NCOR2: variants seen among roughly 807,000 people sequenced by gnomAD.
NCOR2 encodes CTG repeat protein 26.
In NCOR2, 81 loss-of-function variants were observed where a neutral mutation model predicts 262.9. That is an observed-to-expected ratio of 0.31 (90% CI 0.26 to 0.37). The LOEUF (loss-of-function observed/expected upper bound fraction) is 0.37. Ranked by LOEUF, NCOR2 falls within the 10% of genes least tolerant of loss-of-function variation. The probability of loss-of-function intolerance (pLI) is 1.00; values close to 1 mark genes in which losing one functional copy is unlikely to be tolerated. For synonymous variants in NCOR2, 1,659 were observed against 1,559.3 expected (o/e 1.06, Z -1.51); for missense variants, 3,385 against 3,621.4 (o/e 0.93, Z 1.68).
At chr12:124,336,755 A>G (rs927988053) in exon 38 of NCOR2, 1 of 1,613,106 alleles carries the variant, frequency 6.2e-7, no homozygotes, top group Non-Finnish European at 8.5e-7. Flanking sequence ...GGTCTTACCC[A>G]GAGAACGGAG....
At chr12:124,500,151 T>C (rs1223893144), upstream of NCOR2, among the ~76,000 whole-genome samples, 1 of 151,896 alleles carries the variant, frequency 6.6e-6, no homozygotes, top group African/African-American at 2.4e-5. Flanking sequence ...GACTTGTAGA[T>C]CTCAGGTGGC....
intron 16 of NCOR2, among the ~76,000 whole-genome samples, chr12:124,392,602 G>A (rs1211941809): frequency 3.3e-5 from 5 of 152,168 alleles, no homozygotes; most frequent in East Asian, 1.9e-4. Context: ...CTACCGGCCC[G>A]CCCACCCCAC....
chr12:124,404,650 G>C (rs769480449), intron 13 of NCOR2, among the ~76,000 whole-genome samples: 1 of 152,236 alleles, frequency 6.6e-6, no homozygotes, highest in Non-Finnish European at 1.5e-5. Flanking sequence ...CCTGAGCTAC[G>C]AGCCTTCCCC....
intron 13 of NCOR2, among the ~76,000 whole-genome samples, chr12:124,413,241 C>T (rs2042682766): frequency 6.6e-6 from 1 of 152,160 alleles, no homozygotes; most frequent in Non-Finnish European, 1.5e-5. Context: ...CGTGCCCACT[C>T]CCCGACACCT....
Position 124,340,383 on chromosome 12 carries a change from C to T in NCOR2, c.5399G>A (p.Arg1800Gln), listed in dbSNP as rs550558916. ...CCGATCCCGGTCCCGCTCTCGATCC[C>T]GGTCTCGCTCCCGCTCGGACGAGGA... Residue 1800 changes from arginine to glutamine, a missense_variant, in exon 36 of 47, where the codon CGG becomes CAG. Transcript: ENST00000405201. The T allele has an allele frequency of 1.2e-6, 2 of 1,613,066 alleles. No homozygotes were observed. The highest frequency in any genetic ancestry group is 2.2e-5 in the East Asian group (1 of 44,880).
chr12:124,349,671 C>G (rs2037267898), intron 28 of NCOR2, among the ~76,000 whole-genome samples: 1 of 152,156 alleles, frequency 6.6e-6, no homozygotes, highest in Admixed American at 6.5e-5. Context: ...AAGGCCCCGA[C>G]TGAAACCCAT....
intron 3 of NCOR2, among the ~76,000 whole-genome samples, chr12:124,477,721 C>T (rs750133112): frequency 4.6e-5 from 7 of 152,334 alleles, no homozygotes; most frequent in Non-Finnish European, 1.0e-4. Context: ...GGGAGCCTGG[C>T]GGTCAGGCCT....
intron 6 of NCOR2, among the ~76,000 whole-genome samples, chr12:124,453,191 C>G (rs545221494): frequency 6.6e-5 from 10 of 152,288 alleles, no homozygotes; most frequent in Admixed American, 5.2e-4. Context: ...AAAGGCCTGG[C>G]GGCTCCCAGC....
upstream of NCOR2, among the ~76,000 whole-genome samples, chr12:124,536,939 C>T (rs939618955): frequency 2.6e-5 from 4 of 152,186 alleles, no homozygotes; most frequent in African/African-American, 9.7e-5. Flanking sequence ...GTGGTACATC[C>T]ATGCCATATG....
intron 1 of NCOR2, among the ~76,000 whole-genome samples, chr12:124,490,698 A>G (rs893754570): frequency 6.6e-6 from 1 of 152,108 alleles, no homozygotes; most frequent in African/African-American, 2.4e-5. Flanking sequence ...CCACGCGCCC[A>G]CCTGCCCCAG....
Position 124,398,204 on chromosome 12 carries a change from T to A in NCOR2, c.1814-23A>T, listed in dbSNP as rs545661789. On this transcript the variant is annotated intron_variant, in intron 15 of 46. Transcript: ENST00000405201. ...AGGCTGAAAAGAAGATGCCAGGTTA[T>A]TGGCAGGAGCCGGGAGAGGAGGCAC... 12 of 1,613,632 alleles carry A rather than the reference T, an allele frequency of 7.4e-6. No individual in the cohort carries two copies. The East Asian group carries it at 1.6e-4, about 21-fold the overall frequency.
intron 1 of NCOR2, among the ~76,000 whole-genome samples, chr12:124,520,290 C>T (rs2050108573): frequency 6.6e-6 from 1 of 152,206 alleles, no homozygotes; most frequent in Non-Finnish European, 1.5e-5. Context: ...GATCCAGCAC[C>T]ATCTTCCCGC....
intron 27 of NCOR2, among the ~76,000 whole-genome samples, chr12:124,352,727 C>G (rs927181600): frequency 1.3e-5 from 2 of 152,190 alleles, no homozygotes; most frequent in Non-Finnish European, 2.9e-5. Flanking sequence ...GGACAGAGAA[C>G]AGAAATCCAG....
At chr12:124,371,904 C>A (rs886968756) in intron 20 of NCOR2, 118 bp downstream of exon 22, 2 of 1,057,446 alleles carry the variant, frequency 1.9e-6, no homozygotes, top group Non-Finnish European at 2.6e-6. Flanking sequence ...TCCCTAACCA[C>A]ACCTCGGGCT....
Position 124,430,138 on chromosome 12 carries a change from G to A in NCOR2, c.1056-432C>T, listed in dbSNP as rs139977445. On this transcript the variant is annotated intron_variant, in intron 9 of 46. Transcript: ENST00000405201. Reference sequence around the variant, plus strand: ...GTGACTTCAGTTAAGGGTGAAAGGTGTTGTTATCATTACCAATGAATCGCC... The same window carrying A: ...GTGACTTCAGTTAAGGGTGAAAGGTATTGTTATCATTACCAATGAATCGCC... Among the ~76,000 whole-genome samples the A allele has an allele frequency of 2.8e-3, 423 of 152,326 alleles. 2 individuals are homozygous for A. The highest frequency in any genetic ancestry group is 9.7e-3 in the African/African-American group (405 of 41,564).
At chr12:124,337,555 A>G (rs148803834) in intron 37 of NCOR2, among the ~76,000 whole-genome samples, 5 of 152,346 alleles carry the variant, frequency 3.3e-5, no homozygotes, top group Non-Finnish European at 7.3e-5. Context: ...GTGTGGAGGT[A>G]GTCAATGAGG....
intron 20 of NCOR2, among the ~76,000 whole-genome samples, chr12:124,370,335 T>A (rs1395727992): frequency 6.6e-6 from 1 of 152,216 alleles, no homozygotes; most frequent in African/African-American, 2.4e-5. Context: ...ACCCTGAGAT[T>A]TTGTTTTGTG....
chr12:124,484,833 G>A (rs2047690996), intron 2 of NCOR2, among the ~76,000 whole-genome samples: 1 of 152,216 alleles, frequency 6.6e-6, no homozygotes, highest in South Asian at 2.1e-4. Flanking sequence ...ATGAACGCAG[G>A]GTGGTTCACC....
chr12:124,549,898 T>C lies in NCOR2; in HGVS notation c.-164-14287A>G, dbSNP rs565498110. ...AGGGGAAGTACACGCTAGGTACTTA[T>C]GGCAAGTATGTGAATGAACAAAATC... is the stretch of plus-strand genomic sequence containing the variant. On this transcript the variant is annotated intron_variant, in intron 1 of 32. Coordinates refer to the NCOR2 transcript ENST00000458234. The surrounding 1 kb of genome is among the most constrained non-coding windows in gnomAD (Gnocchi z 4.4). 2.6e-5 allele frequency among the ~76,000 whole-genome samples: 4 copies of C among 152,268 alleles called. No individual in the cohort carries two copies. Among genetic ancestry groups the C allele is most frequent in the East Asian group, 3.9e-4 (2 of 5,172 alleles).
Sources: allele counts gnomAD v4.1 joint callset (sites outside exome capture counted in the v4.1 genomes callset), GRCh38; gene constraint gnomAD v4.1.1; non-coding constraint Gnocchi (gnomAD v3.1); transcripts MANE v1.5; gene names NCBI Gene and HGNC (gene_info 2026-07-23, HGNC 2026-07-21).